The following PLPPR1 variants were observed in gnomAD, a reference collection of about 807,000 sequenced individuals.
PLPPR1 encodes phospholipid phosphatase related 1, also known as phospholipid phosphatase-related protein type 1.
Under a neutral mutation model 33.1 loss-of-function variants are expected in PLPPR1, and 10 were observed. The observed-to-expected ratio is 0.30, with a 90% CI of 0.19 to 0.51. The LOEUF is 0.51. Ranked by LOEUF, PLPPR1 falls within the 20% of genes least tolerant of loss-of-function variation. The probability of loss-of-function intolerance (pLI) is 0.97; values close to 1 mark genes in which losing one functional copy is unlikely to be tolerated. For missense variants in PLPPR1, 304 were observed against 408.1 expected (o/e 0.74, Z 2.20); for synonymous variants, 151 against 151.0 (o/e 1.00, Z 0.00).
intron 1 of PLPPR1, among the ~76,000 whole-genome samples, chr9:101,155,604 C>CT (rs35982232): frequency 0.46 from 65,751 of 143,986 alleles, 14,990 homozygotes; most frequent in Non-Finnish European, 0.5. Flanking sequence ...CTCTCTCTCT[C>CT]TTTTTTTTTT....
chr9:101,269,857 G>T (rs752269756), intron 2 of PLPPR1, 23 bp from the exon 3 acceptor site: 3 of 1,612,998 alleles, frequency 1.9e-6, no homozygotes, highest in Non-Finnish European at 2.5e-6. Flanking sequence ...TAATGTCTCT[G>T]TGTGGCCATG....
At chr9:101,048,245 C>T (rs1244221179) in intron 1 of PLPPR1, among the ~76,000 whole-genome samples, 1 of 152,132 alleles carries the variant, frequency 6.6e-6, no homozygotes, top group Non-Finnish European at 1.5e-5. Flanking sequence ...TGTTCTGTGT[C>T]CAAGAAAACA....
At position 101,246,045 on chromosome 9, in the gene PLPPR1, A is replaced by G. The variant is rs772898924; in HGVS notation, c.64-23835A>G. On this transcript the variant is annotated intron_variant, in intron 2 of 7. Transcript: ENST00000374874. ...CATAATCTCCCATATACCTCTCAAA[A>G]TTGAATATGAATATATATATATATA... is the stretch of plus-strand genomic sequence containing the variant. 8.4e-4 allele frequency among the ~76,000 whole-genome samples: 112 copies of G among 133,078 alleles called. 1 individual carries two copies. Among genetic ancestry groups the G allele is most frequent in the Non-Finnish European group, 1.4e-3 (87 of 62,716 alleles). 87.3% of individuals were successfully genotyped at this position (133,078 alleles called of 152,430 possible).
chr9:101,281,925 A>G (rs1828311172), intron 3 of PLPPR1, among the ~76,000 whole-genome samples: 1 of 152,184 alleles, frequency 6.6e-6, no homozygotes, highest in African/African-American at 2.4e-5. Flanking sequence ...TTGAATCAAT[A>G]ATATACAGTC....
chr9:101,320,132 A>C (rs1043868861), intron 7 of PLPPR1, among the ~76,000 whole-genome samples: 7 of 152,266 alleles, frequency 4.6e-5, no homozygotes, highest in African/African-American at 1.4e-4. Flanking sequence ...TTCTTAAAAT[A>C]GATATTAATT....
At chr9:101,038,323 C>A (rs1830035456) in intron 1 of PLPPR1, among the ~76,000 whole-genome samples, 1 of 152,020 alleles carries the variant, frequency 6.6e-6, no homozygotes, top group Non-Finnish European at 1.5e-5. Flanking sequence ...GGCCATCAGT[C>A]CTCATGTATA....
chr9:101,294,733 C>A (rs1393212442), intron 4 of PLPPR1, among the ~76,000 whole-genome samples: 1 of 151,996 alleles, frequency 6.6e-6, no homozygotes, highest in African/African-American at 2.4e-5. Context: ...GCAGAAAAGG[C>A]CTTTGACAAA....
chr9:101,167,180 GTGTC>G (rs1564163722), intron 1 of PLPPR1, among the ~76,000 whole-genome samples: 1 of 71,122 alleles, frequency 1.4e-5, no homozygotes, highest in Non-Finnish European at 3.3e-5. Flanking sequence ...GTGTGTGTGT[GTGTC>G]TTTCTCTCTC....
At chr9:101,192,834 G>C (rs1236885238) in intron 2 of PLPPR1, among the ~76,000 whole-genome samples, 1 of 152,082 alleles carries the variant, frequency 6.6e-6, no homozygotes, top group African/African-American at 2.4e-5. Flanking sequence ...ATTTTTGAGA[G>C]TATTTTAAAT....
At chr9:101,226,112 T>C (rs1007154350) in intron 2 of PLPPR1, among the ~76,000 whole-genome samples, 2 of 152,176 alleles carry the variant, frequency 1.3e-5, no homozygotes, top group Non-Finnish European at 2.9e-5. Context: ...CTTACCCTCC[T>C]GACATGATGG....
intron 1 of PLPPR1, among the ~76,000 whole-genome samples, chr9:101,181,600 G>A (rs916200756): frequency 1.9e-4 from 24 of 123,906 alleles, no homozygotes; most frequent in Admixed American, 5.0e-4. Context: ...AAGAAATTGG[G>A]TATATGTATG....
intron 1 of PLPPR1, among the ~76,000 whole-genome samples, chr9:101,073,518 T>A (rs769553210): frequency 4.6e-5 from 7 of 152,018 alleles, no homozygotes; most frequent in Admixed American, 1.3e-4. Flanking sequence ...TGCAGTCCTA[T>A]GTCTTCCCTC....
At chr9:101,140,586 C>T (rs1453042837) in intron 1 of PLPPR1, among the ~76,000 whole-genome samples, 1 of 152,150 alleles carries the variant, frequency 6.6e-6, no homozygotes, top group African/African-American at 2.4e-5. Context: ...TTGTGGAAGA[C>T]TAAATAGCCC....
chr9:101,053,743 A>C (rs531417062), intron 1 of PLPPR1, among the ~76,000 whole-genome samples: 1 of 152,312 alleles, frequency 6.6e-6, no homozygotes, highest in African/African-American at 2.4e-5. Flanking sequence ...TTGTAGGGGA[A>C]AGATGCATCT....
chr9:101,205,390 A>C (rs1826569781), intron 2 of PLPPR1, among the ~76,000 whole-genome samples: 1 of 152,148 alleles, frequency 6.6e-6, no homozygotes, highest in Non-Finnish European at 1.5e-5. Flanking sequence ...GTTTTTGAAA[A>C]ATCTCTTCAC....
At chr9:101,222,687 A>G (rs1463050585) in intron 2 of PLPPR1, among the ~76,000 whole-genome samples, 1 of 152,206 alleles carries the variant, frequency 6.6e-6, no homozygotes, top group Non-Finnish European at 1.5e-5. Flanking sequence ...ATGGAAGTCA[A>G]CAGCTGTGAA....
chr9:101,301,117 T>C (rs1440125191), intron 4 of PLPPR1, among the ~76,000 whole-genome samples: 1 of 152,236 alleles, frequency 6.6e-6, no homozygotes, highest in Non-Finnish European at 1.5e-5. Context: ...ACTCATCATC[T>C]TTATTAAGTA....
chr9:101,275,672 T>G lies in PLPPR1; in HGVS notation c.252+5604T>G, dbSNP rs547123967. 3.2e-4 allele frequency among the ~76,000 whole-genome samples: 48 copies of G among 152,242 alleles called. No individual in the cohort carries two copies. The South Asian group carries it at 8.9e-3, about 28-fold the overall frequency. On this transcript the variant is annotated intron_variant, in intron 3 of 7. Transcript: ENST00000374874. ...AGCCTGTTTGGATAAGAGGATTTAC[T>G]CAGCAGAGAATCTGATTTACCCTCA...
intron 1 of PLPPR1, among the ~76,000 whole-genome samples, chr9:101,082,651 G>C (rs922043601): frequency 2.0e-5 from 3 of 152,084 alleles, no homozygotes; most frequent in African/African-American, 4.8e-5. Context: ...ACCTTTTCTG[G>C]GTTTTAAATT....
Sources: allele counts gnomAD v4.1 joint callset (sites outside exome capture counted in the v4.1 genomes callset), GRCh38; gene constraint gnomAD v4.1.1; transcripts MANE v1.5; gene names NCBI Gene and HGNC (gene_info 2026-07-23, HGNC 2026-07-21).